The following MED27 variants were observed in gnomAD, a reference collection of about 807,000 sequenced individuals.
The protein encoded by MED27 is mediator complex subunit 27.
MED27 carries 30 observed loss-of-function variants against 38.2 expected under a neutral mutation model. That is an observed-to-expected ratio of 0.79 (90% CI 0.59 to 1.07). The LOEUF is 1.07. Among genes scored for constraint, MED27 ranks in the 50% least tolerant of loss-of-function variants. The probability of loss-of-function intolerance (pLI) is 0.00; values close to 1 mark genes in which losing one functional copy is unlikely to be tolerated. For missense variants in MED27, 289 were observed against 397.5 expected, an observed-to-expected ratio of 0.73 and a Z score of 2.32; for synonymous variants, 122 against 153.5, an observed-to-expected ratio of 0.79 and a Z score of 1.52.
chr9:132,000,578 T>G (rs543984250), intron 3 of MED27, among the ~76,000 whole-genome samples: 1 of 152,236 alleles, frequency 6.6e-6, no homozygotes, highest in Admixed American at 6.5e-5. Flanking sequence ...GCTTTATTAA[T>G]AGCCAAAACA....
chr9:131,953,765 G>A (rs1026061134), intron 3 of MED27, among the ~76,000 whole-genome samples: 19 of 151,316 alleles, frequency 1.3e-4, no homozygotes, highest in African/African-American at 3.6e-4. Flanking sequence ...TGCCTTGTTC[G>A]TAAATTGTGG....
Position 131,884,194 on chromosome 9 carries a change from T to C in MED27, c.682-95A>G, listed in dbSNP as rs112771888. 2,614 of 917,468 alleles carry C rather than the reference T, an allele frequency of 2.8e-3. 52 individuals are homozygous for C. The African/African-American group carries it at 0.04, about 14-fold the overall frequency. 56.8% of individuals were successfully genotyped at this position (917,468 alleles called of 1,614,324 possible). On this transcript the variant is annotated intron_variant, in intron 5 of 7. Transcript: ENST00000292035. Reference sequence around the variant, plus strand: ...AACTACTGTTAACCCTTCTTAAACTTGAAAAAAAAATCTGATTATAGAATA... The same window carrying C: ...AACTACTGTTAACCCTTCTTAAACTCGAAAAAAAAATCTGATTATAGAATA...
chr9:132,019,779 G>A (rs1209878466), intron 2 of MED27, among the ~76,000 whole-genome samples: 1 of 152,224 alleles, frequency 6.6e-6, no homozygotes, highest in African/African-American at 2.4e-5. Context: ...AGGTACTGAT[G>A]TTTATCTTCC....
At chr9:131,886,774 G>A (rs748774458) in intron 5 of MED27, among the ~76,000 whole-genome samples, 9 of 152,202 alleles carry the variant, frequency 5.9e-5, no homozygotes, top group African/African-American at 9.7e-5. Flanking sequence ...AGGATAAATC[G>A]GGTTCGTATT....
chr9:131,967,230 T>C (rs1831368088), intron 3 of MED27, among the ~76,000 whole-genome samples: 1 of 152,248 alleles, frequency 6.6e-6, no homozygotes, highest in Non-Finnish European at 1.5e-5. Flanking sequence ...TTCCAATTTG[T>C]GGGTGTTAAT....
intron 2 of MED27, among the ~76,000 whole-genome samples, chr9:132,056,365 T>C (rs777240355): frequency 5.3e-5 from 8 of 152,202 alleles, no homozygotes; most frequent in Non-Finnish European, 1.0e-4. Context: ...GCTGATGCCC[T>C]AGTAAATAAT....
At chr9:131,937,707 A>G (rs1830708299) in intron 4 of MED27, among the ~76,000 whole-genome samples, 1 of 152,100 alleles carries the variant, frequency 6.6e-6, no homozygotes, top group Admixed American at 6.5e-5. Flanking sequence ...GGATGCATTC[A>G]TTTTTATCTT....
chr9:132,004,008 G>A lies in MED27; in HGVS notation c.479+10329C>T, dbSNP rs1832298945. Reference sequence around the variant, plus strand: ...TACACAGAAATTCTCTCCTCACTCTGTCTCTCTCTTCTCTCTCTCCCCCAC... The same window carrying A: ...TACACAGAAATTCTCTCCTCACTCTATCTCTCTCTTCTCTCTCTCCCCCAC... On this transcript the variant is annotated intron_variant, in intron 3 of 7. Transcript: ENST00000292035. Among the ~76,000 whole-genome samples the A allele has an allele frequency of 3.9e-5, 6 of 152,046 alleles. No homozygotes were observed. In the South Asian group the frequency reaches 1.3e-3, roughly 32 times the overall value.
chr9:132,024,475 C>T (rs1226125354), intron 2 of MED27, among the ~76,000 whole-genome samples: 2 of 152,172 alleles, frequency 1.3e-5, no homozygotes, highest in African/African-American at 4.8e-5. Flanking sequence ...CCAATAACAC[C>T]AGGAATGACT....
chr9:131,881,522 AG>A (rs1334245182), intron 6 of MED27, among the ~76,000 whole-genome samples: 4 of 152,196 alleles, frequency 2.6e-5, no homozygotes, highest in African/African-American at 9.7e-5. Flanking sequence ...AAAGGGTGTT[AG>A]AAGAATCAAG....
Position 131,862,397 on chromosome 9 carries a change from C to T in MED27, c.801+666G>A, listed in dbSNP as rs1353014966. ...ATGACGGTGGAACAGCTGGCGGCTA[C>T]GTCTGTCAAGGACGCGGGGACATGG... On this transcript the variant is annotated intron_variant, in intron 7 of 7. Coordinates refer to ENST00000292035, the MANE Select transcript of MED27 (RefSeq NM_004269.4). This position sits in a 1 kb window ranked among gnomAD's most constrained non-coding sequence, Gnocchi z 4.6. Among the ~76,000 whole-genome samples the T allele has an allele frequency of 6.6e-6, 1 of 152,198 alleles. No homozygotes were observed. The highest frequency in any genetic ancestry group is 1.5e-5 in the Non-Finnish European group (1 of 68,040).
chr9:131,967,175 GAATA>G (rs1317208066), intron 3 of MED27, among the ~76,000 whole-genome samples: 30 of 152,302 alleles, frequency 2.0e-4, no homozygotes, highest in Non-Finnish European at 2.9e-5. Flanking sequence ...CTTTGTGCTT[GAATA>G]AATATGCCAT....
intron 5 of MED27, among the ~76,000 whole-genome samples, chr9:131,884,784 T>C (rs1187763502): frequency 6.6e-6 from 1 of 151,984 alleles, no homozygotes; most frequent in Non-Finnish European, 1.5e-5. Flanking sequence ...ATTTTTGTAT[T>C]TTTAGTAGAG....
chr9:131,963,099 TA>T (rs1257470084), intron 3 of MED27, among the ~76,000 whole-genome samples: 1 of 152,186 alleles, frequency 6.6e-6, no homozygotes, highest in Non-Finnish European at 1.5e-5. Flanking sequence ...TATTAAAGCA[TA>T]ATGTTCAGCT....
chr9:132,007,870 A>T (rs1371605247), intron 3 of MED27, among the ~76,000 whole-genome samples: 1 of 152,032 alleles, frequency 6.6e-6, no homozygotes, highest in Non-Finnish European at 1.5e-5. Flanking sequence ...AAGCCCGGGA[A>T]ACAAGTATGC....
chr9:131,922,023 T>G (rs11243567), intron 4 of MED27, among the ~76,000 whole-genome samples: 3 of 127,944 alleles, frequency 2.3e-5, no homozygotes, highest in Non-Finnish European at 4.9e-5. Flanking sequence ...GGGCCTGTCA[T>G]GGGGAGGGGG....
In MED27 at chr9:132,003,969, T is replaced by TAC. The variant is rs112590668; in HGVS notation, c.479+10366_479+10367dup. 0.16 allele frequency among the ~76,000 whole-genome samples: 25,024 copies of TAC among 151,816 alleles called. 2,120 individuals carry two copies. Among genetic ancestry groups the TAC allele is most frequent in the East Asian group, 0.31 (1,600 of 5,128 alleles). ...TACATAAAGGCTTTCAGAGTGAACATACACACACACACATACACAGAAATT... is the reference window on the plus strand; with the variant it reads ...TACATAAAGGCTTTCAGAGTGAACATACACACACACACACATACACAGAAATT... On this transcript the variant is annotated intron_variant, in intron 3 of 7. Coordinates refer to ENST00000292035, the MANE Select transcript of MED27 (RefSeq NM_004269.4). The surrounding 1 kb of genome is among the most constrained non-coding windows in gnomAD (Gnocchi z 4.2).
chr9:131,949,153 G>A (rs2130982315), intron 3 of MED27, among the ~76,000 whole-genome samples: 1 of 152,234 alleles, frequency 6.6e-6, no homozygotes, highest in East Asian at 1.9e-4. Flanking sequence ...TATTCCTACA[G>A]TATCTATTAA....
At chr9:132,036,549 G>A (rs1050307737) in intron 2 of MED27, among the ~76,000 whole-genome samples, 1 of 152,144 alleles carries the variant, frequency 6.6e-6, no homozygotes, top group African/African-American at 2.4e-5. Flanking sequence ...CACTCGTGCC[G>A]GCATGCGCTG....
Sources: allele counts gnomAD v4.1 joint callset (sites outside exome capture counted in the v4.1 genomes callset), GRCh38; gene constraint gnomAD v4.1.1; non-coding constraint Gnocchi (gnomAD v3.1); transcripts MANE v1.5; gene names NCBI Gene and HGNC (gene_info 2026-07-23, HGNC 2026-07-21).